Variants in PTPRA observed in about 807,000 individuals in gnomAD.
PTPRA encodes the protein receptor-type tyrosine-protein phosphatase alpha.
In PTPRA, 25 loss-of-function variants were observed where a neutral mutation model predicts 104.8. The ratio of observed to expected loss-of-function variants is 0.24; its 90% confidence interval spans 0.17 to 0.33. The LOEUF (loss-of-function observed/expected upper bound fraction) is 0.33. Among genes scored for constraint, PTPRA ranks in the 10% least tolerant of loss-of-function variants. The pLI is 1.00. For synonymous variants in PTPRA, 323 were observed against 368.9 expected (o/e 0.88, Z 1.43); for missense variants, 765 against 1,015.3 (o/e 0.75, Z 3.35).
chr20:3,031,970 C>T (rs756255013), intron 20 of PTPRA, among the ~76,000 whole-genome samples: 1 of 152,188 alleles, frequency 6.6e-6, no homozygotes, highest in Non-Finnish European at 1.5e-5. Flanking sequence ...CAAATGCTCT[C>T]ACACTGAACT....
intron 1 of PTPRA, among the ~76,000 whole-genome samples, chr20:2,876,577 T>C (rs1447284480): frequency 6.6e-6 from 1 of 152,284 alleles, no homozygotes; most frequent in Non-Finnish European, 1.5e-5. Flanking sequence ...ATGGCTGTAC[T>C]GTAACATCTT....
At position 2,956,593 on chromosome 20, in the gene PTPRA, C is replaced by A. The variant is rs188472339; in HGVS notation, c.-6-7679C>A. 2.5e-4 allele frequency among the ~76,000 whole-genome samples: 38 copies of A among 152,098 alleles called. No homozygotes were observed. The East Asian group carries it at 6.8e-3, about 27-fold the overall frequency. On this transcript the variant is annotated intron_variant, in intron 3 of 23. Transcript: ENST00000399903. ...TCTTGGCCAATTACTCTTTATCCTT[C>A]CAAGTTCAATGATTGTCCCACTGCA...
At chr20:3,021,211 CT>C in intron 13 of PTPRA, 97 bp from the exon 14 acceptor site, 7 of 1,543,874 alleles carry the variant, frequency 4.5e-6, no homozygotes, top group South Asian at 1.2e-5. Flanking sequence ...TTCTGGGGGA[CT>C]TTAATCTGGG....
intron 5 of PTPRA, among the ~76,000 whole-genome samples, chr20:2,969,108 A>T (rs569653484): frequency 1.3e-5 from 2 of 151,862 alleles, no homozygotes; most frequent in African/African-American, 4.8e-5. Flanking sequence ...GCTACTTGGG[A>T]GGCTGAGACA....
At chr20:2,956,851 G>C (rs573844786) in intron 3 of PTPRA, among the ~76,000 whole-genome samples, 178 of 152,304 alleles carry the variant, frequency 1.2e-3, no homozygotes, top group African/African-American at 3.8e-3. Flanking sequence ...TAAGTTTCCA[G>C]AAGTGGAATT....
chr20:2,916,959 C>CTTTTT (rs35317223), intron 1 of PTPRA, among the ~76,000 whole-genome samples: 1 of 131,544 alleles, frequency 7.6e-6, no homozygotes, highest in Admixed American at 7.9e-5. Context: ...TTTTTTATTT[C>CTTTTT]TTTTTTTTTT....
At chr20:2,998,763 T>G (rs575141062) in intron 9 of PTPRA, among the ~76,000 whole-genome samples, 12 of 152,086 alleles carry the variant, frequency 7.9e-5, no homozygotes, top group Admixed American at 7.9e-4. Flanking sequence ...GTACTGGAGA[T>G]CTAGGCAAGA....
chr20:2,986,709 C>A lies in PTPRA; in HGVS notation c.443-56C>A. 3.4e-6 allele frequency: 5 copies of A among 1,483,704 alleles called. No individual in the cohort carries two copies. The South Asian group carries it at 4.5e-5, about 13-fold the overall frequency. The allele number at this position is 1,483,704 out of a possible 1,614,324, so 91.9% of individuals were successfully genotyped here. A position where few individuals can be genotyped will look rare whatever the true frequency, so the allele number is the denominator to read the frequency against. On this transcript the variant is annotated intron_variant, in intron 6 of 23. Transcript: ENST00000399903. ...TCAGGGTGTTGCCCTGAATGGCTGA[C>A]TTAAGCCCTCCATTGCACAACACAG... is the stretch of plus-strand genomic sequence containing the variant.
chr20:2,915,088 T>C (rs2059853255), intron 1 of PTPRA, among the ~76,000 whole-genome samples: 1 of 152,168 alleles, frequency 6.6e-6, no homozygotes, highest in African/African-American at 2.4e-5. Flanking sequence ...CTTCTTTTTT[T>C]TTTTTAAAGA....
At chr20:3,028,490 A>G (rs1031377824) in intron 20 of PTPRA, among the ~76,000 whole-genome samples, 1 of 152,200 alleles carries the variant, frequency 6.6e-6, no homozygotes, top group African/African-American at 2.4e-5. Flanking sequence ...ACCTCCTAAT[A>G]TTGTTCCTGA....
intron 11 of PTPRA, among the ~76,000 whole-genome samples, chr20:3,010,366 C>T (rs1445179272): frequency 6.6e-6 from 1 of 151,810 alleles, no homozygotes; most frequent in Non-Finnish European, 1.5e-5. Context: ...CGGTGGCTCA[C>T]GCCTGTAATC....
Position 3,022,317 on chromosome 20 carries a change from A to G in PTPRA, c.1328+97A>G, listed in dbSNP as rs2148435183. On this transcript the variant is annotated intron_variant, in intron 15 of 23. Transcript: ENST00000399903. This position sits in a 1 kb window ranked among gnomAD's most constrained non-coding sequence, Gnocchi z 4.6. ...AAGGGCCCTGGCTGAGGAGGCTGGCACAGAGTAGATGACCTACTGGGGCAC... is the reference window on the plus strand; with the variant it reads ...AAGGGCCCTGGCTGAGGAGGCTGGCGCAGAGTAGATGACCTACTGGGGCAC... 1 of 1,460,390 alleles carries G rather than the reference A, an allele frequency of 6.8e-7. No homozygotes were observed. The allele number at this position is 1,460,390 out of a possible 1,614,324, so 90.5% of individuals were successfully genotyped here. A position where few individuals can be genotyped will look rare whatever the true frequency, so the allele number is the denominator to read the frequency against.
chr20:2,959,518 C>G (rs911232640), intron 3 of PTPRA, among the ~76,000 whole-genome samples: 1 of 151,822 alleles, frequency 6.6e-6, no homozygotes, highest in Admixed American at 6.6e-5. Flanking sequence ...GTTATGAGTT[C>G]TTGTTTCAAT....
chr20:2,903,191 G>A (rs1012566525), intron 1 of PTPRA, among the ~76,000 whole-genome samples: 1 of 152,194 alleles, frequency 6.6e-6, no homozygotes, highest in African/African-American at 2.4e-5. Context: ...GTAAGTAAGT[G>A]TAATGCAAAT....
rs898356985 is a variant in PTPRA at position 3,035,466 on chromosome 20, G to A, written c.1921-119G>A. The stretch of plus-strand genomic sequence containing the variant: ...TCCTGCAAGTTTTCAATACCTTGGG[G>A]ACGAAGCGTATCAGCGTAAGAGGTG... On this transcript the variant is annotated intron_variant, in intron 20 of 23. Transcript: ENST00000399903. The surrounding 1 kb of genome is among the most constrained non-coding windows in gnomAD (Gnocchi z 5.8). 10 of 1,192,016 alleles carry A rather than the reference G, an allele frequency of 8.4e-6. No individual in the cohort carries two copies. The allele number at this position is 1,192,016 out of a possible 1,614,324, so 73.8% of individuals were successfully genotyped here.
intron 12 of PTPRA, among the ~76,000 whole-genome samples, chr20:3,017,598 C>T (rs1473303419): frequency 2.0e-5 from 3 of 152,182 alleles, no homozygotes; most frequent in African/African-American, 7.2e-5. Context: ...TTTTGACAGC[C>T]TTCCACCCAG....
intron 13 of PTPRA, among the ~76,000 whole-genome samples, chr20:3,019,675 G>A (rs1181344679): frequency 3.9e-5 from 6 of 151,986 alleles, no homozygotes; most frequent in South Asian, 2.1e-4. Flanking sequence ...ACGGGGTGGC[G>A]GCTGGGCAGA....
At chr20:3,021,246 C>T in intron 13 of PTPRA, 63 bp from the exon 14 acceptor site, 1 of 1,606,216 alleles carries the variant, frequency 6.2e-7, no homozygotes, top group East Asian at 2.2e-5. Context: ...TCCTTCCAGG[C>T]CCTTTGCATC....
chr20:2,985,741 A>G (rs1263376370), intron 6 of PTPRA, among the ~76,000 whole-genome samples: 2 of 152,218 alleles, frequency 1.3e-5, no homozygotes, highest in Non-Finnish European at 2.9e-5. Flanking sequence ...GTTTTGTTAC[A>G]TGGTGGCTGA....
Sources: allele counts gnomAD v4.1 joint callset (sites outside exome capture counted in the v4.1 genomes callset), GRCh38; gene constraint gnomAD v4.1.1; non-coding constraint Gnocchi (gnomAD v3.1); transcripts MANE v1.5; gene names NCBI Gene and HGNC (gene_info 2026-07-23, HGNC 2026-07-21).